The following GAREM1 variants were observed in gnomAD, a reference collection of about 807,000 sequenced individuals.
The protein encoded by GAREM1 is GRB2-associated and regulator of MAPK protein 1.
A neutral mutation model predicts 71.3 loss-of-function variants in GAREM1; 26 were observed. The ratio of observed to expected loss-of-function variants is 0.36; its 90% confidence interval spans 0.27 to 0.51. The LOEUF (loss-of-function observed/expected upper bound fraction) is 0.51, where lower values mean the gene tolerates loss of function less well. Among genes scored for constraint, GAREM1 ranks in the 20% least tolerant of loss-of-function variants. The probability of loss-of-function intolerance (pLI) is 0.95; values close to 1 mark genes in which losing one functional copy is unlikely to be tolerated. For missense variants in GAREM1, 1,026 were observed against 1,103.1 expected (o/e 0.93, Z 0.99); for synonymous variants, 440 against 433.2 (o/e 1.02, Z -0.20).
chr18:32,281,696 C>T (rs553507344), intron 4 of GAREM1, among the ~76,000 whole-genome samples: 26 of 152,224 alleles, frequency 1.7e-4, no homozygotes, highest in African/African-American at 5.3e-4. Flanking sequence ...AGATGGAGGC[C>T]GGGCACGGTG....
chr18:32,390,311 C>T (rs2048183600), intron 2 of GAREM1, among the ~76,000 whole-genome samples: 1 of 152,154 alleles, frequency 6.6e-6, no homozygotes, highest in South Asian at 2.1e-4. Context: ...AGATATGAAA[C>T]ACAAAACAAA....
In GAREM1 at chr18:32,279,974, G is replaced by A. The variant is rs1272384537; in HGVS notation, c.1566+7057C>T. Among the ~76,000 whole-genome samples the A allele has an allele frequency of 2.6e-5, 4 of 152,120 alleles. No homozygotes were observed. The East Asian group carries it at 7.7e-4, about 29-fold the overall frequency. On this transcript the variant is annotated intron_variant, in intron 4 of 5. Transcript: ENST00000269209. ...AGTCCTTATTTCAATTAACAAATGGGAACTTAGGTATGGCTTGCTTACAAA... is the reference window on the plus strand; with the variant it reads ...AGTCCTTATTTCAATTAACAAATGGAAACTTAGGTATGGCTTGCTTACAAA...
intron 2 of GAREM1, among the ~76,000 whole-genome samples, chr18:32,357,072 G>A (rs185674885): frequency 6.6e-6 from 1 of 152,196 alleles, no homozygotes; most frequent in Admixed American, 6.5e-5. Flanking sequence ...GATTCCTTTC[G>A]TACAAAGAAC....
intron 1 of GAREM1, among the ~76,000 whole-genome samples, chr18:32,442,797 T>A (rs973463293): frequency 3.9e-5 from 6 of 152,124 alleles, no homozygotes; most frequent in Admixed American, 1.3e-4. Flanking sequence ...ACAAATGTTC[T>A]CAGAAAATGA....
chr18:32,322,823 C>T (rs1159547294), intron 2 of GAREM1, among the ~76,000 whole-genome samples: 12 of 152,174 alleles, frequency 7.9e-5, no homozygotes, highest in Admixed American at 7.2e-4. Context: ...GTCTATTCAC[C>T]GATTCTCTAC....
intron 2 of GAREM1, among the ~76,000 whole-genome samples, chr18:32,320,418 T>C (rs539379205): frequency 6.6e-6 from 1 of 152,134 alleles, no homozygotes; most frequent in Non-Finnish European, 1.5e-5. Flanking sequence ...ATTCCCTACA[T>C]TACTTGAAGT....
Position 32,286,321 on chromosome 18 carries a change from AGTGTGTGTGT to A in GAREM1, c.1566+700_1566+709del, listed in dbSNP as rs140225815. Among the ~76,000 whole-genome samples, 431 of 143,226 alleles carry A rather than the reference AGTGTGTGTGT, an allele frequency of 3.0e-3. 4 individuals are homozygous for A. The highest frequency in any genetic ancestry group is 6.4e-3 in the African/African-American group (252 of 39,542). The allele number at this position is 143,226 out of a possible 152,430, so 94.0% of individuals were successfully genotyped here. On this transcript the variant is annotated intron_variant, in intron 4 of 5. Coordinates refer to ENST00000269209, the MANE Select transcript of GAREM1 (RefSeq NM_001242409.2). ...GAACTACCCTGGCACCTGGTTCTGG[AGTGTGTGTGT>A]GTGTGTGTGTGTGTGTGTGTGTGTG...
intron 1 of GAREM1, among the ~76,000 whole-genome samples, chr18:32,443,796 T>C (rs2048763183): frequency 6.6e-6 from 1 of 152,134 alleles, no homozygotes; most frequent in African/African-American, 2.4e-5. Context: ...TGAAAACAAA[T>C]GTCCGCATAG....
chr18:32,458,903 T>G (rs1012927822), intron 1 of GAREM1, among the ~76,000 whole-genome samples: 1 of 152,060 alleles, frequency 6.6e-6, no homozygotes, highest in Non-Finnish European at 1.5e-5. Flanking sequence ...AAATAACGAA[T>G]TTTGAACAAT....
intron 2 of GAREM1, among the ~76,000 whole-genome samples, chr18:32,382,573 C>T (rs889510715): frequency 1.3e-5 from 2 of 152,048 alleles, no homozygotes; most frequent in African/African-American, 4.8e-5. Context: ...AAAGGCCCAG[C>T]GTTAGACCAG....
chr18:32,422,872 C>T lies in GAREM1; in HGVS notation c.122-29837G>A, dbSNP rs547393076. Among the ~76,000 whole-genome samples, 11 of 152,254 alleles carry T rather than the reference C, an allele frequency of 7.2e-5. No homozygotes were observed. The South Asian group carries it at 8.3e-4, about 11-fold the overall frequency. ...GGAGAAACTAAAGGTCAAGTGCTTT[C>T]CTTTTATAATTGAGGAAATATGTAC... On this transcript the variant is annotated intron_variant, in intron 1 of 5. Coordinates refer to ENST00000269209, the MANE Select transcript of GAREM1 (RefSeq NM_001242409.2).
At chr18:32,297,293 G>A (rs1214679116) in intron 3 of GAREM1, among the ~76,000 whole-genome samples, 1 of 152,166 alleles carries the variant, frequency 6.6e-6, no homozygotes, top group Admixed American at 6.5e-5. Flanking sequence ...TTACAGTGTA[G>A]TGACTTCAGA....
At chr18:32,363,538 T>G (rs764321325) in intron 2 of GAREM1, among the ~76,000 whole-genome samples, 22 of 152,202 alleles carry the variant, frequency 1.4e-4, no homozygotes, top group Non-Finnish European at 2.9e-4. Context: ...GAAAAATCCT[T>G]TTTGAACCGG....
At position 32,470,541 on chromosome 18, in the gene GAREM1, G is replaced by A. The variant is rs2049044128; in HGVS notation, c.-113C>T. 15 of 762,272 alleles carry A rather than the reference G, an allele frequency of 2.0e-5. No homozygotes were observed. Among genetic ancestry groups the A allele is most frequent in the Non-Finnish European group, 2.2e-5 (14 of 628,136 alleles). The allele number at this position is 762,272 out of a possible 1,614,324, so 47.2% of individuals were successfully genotyped here. On this transcript the variant is annotated 5_prime_UTR_variant, in exon 1 of 6. Coordinates refer to ENST00000269209, the MANE Select transcript of GAREM1 (RefSeq NM_001242409.2). The surrounding 1 kb of genome is among the most constrained non-coding windows in gnomAD (Gnocchi z 4.4). Reference sequence around the variant, plus strand: ...GTCTGGGGCGCGCGGGAGGCGCCGGGCAGCTCCGGCCGCGGGCAGCCGGGG... The same window carrying A: ...GTCTGGGGCGCGCGGGAGGCGCCGGACAGCTCCGGCCGCGGGCAGCCGGGG...
chr18:32,390,567 C>T (rs2048186271), intron 2 of GAREM1, among the ~76,000 whole-genome samples: 1 of 152,124 alleles, frequency 6.6e-6, no homozygotes, highest in South Asian at 2.1e-4. Context: ...GTCTTGGCAC[C>T]TCAATTTCAT....
intron 3 of GAREM1, among the ~76,000 whole-genome samples, chr18:32,301,930 G>A (rs1237970309): frequency 6.6e-6 from 1 of 152,186 alleles, no homozygotes; most frequent in African/African-American, 2.4e-5. Flanking sequence ...CATAAAAGCT[G>A]CCAAATCCTG....
Position 32,268,073 on chromosome 18 carries a change from C to A in GAREM1, c.2429G>T (p.Gly810Val), listed in dbSNP as rs1460699193. 4.3e-6 allele frequency: 7 copies of A among 1,614,132 alleles called. No homozygotes were observed. The highest frequency in any genetic ancestry group is 5.9e-6 in the Non-Finnish European group (7 of 1,180,020). The stretch of plus-strand genomic sequence containing the variant: ...CTTGGACACTTCCTCTATAGAGAGT[C>A]CTGATAGGTCAGCAGGTGGCTGCCA... ...SPWQPPADLS[G>V]LSIEEVSKSL... Residue 810 changes from glycine (G) to valine (V), a missense_variant, in exon 6 of 6, where the codon GGA (glycine) becomes GTA (valine). Around this residue, in one of 3 missense-constraint regions of GAREM1, gnomAD observed 636 missense variants for 631.2 expected, o/e 1.01. Transcript: ENST00000269209.
chr18:32,325,457 C>T (rs1196660867), intron 2 of GAREM1, among the ~76,000 whole-genome samples: 1 of 152,052 alleles, frequency 6.6e-6, no homozygotes, highest in Non-Finnish European at 1.5e-5. Context: ...GGAGGCTCTG[C>T]GTGTGGTGGG....
chr18:32,373,512 C>A (rs1230738557), intron 2 of GAREM1, among the ~76,000 whole-genome samples: 3 of 152,142 alleles, frequency 2.0e-5, no homozygotes, highest in African/African-American at 7.2e-5. Context: ...TCTCTTCCTT[C>A]ACATTTTCCT....
Sources: gnomAD v4.1 joint callset for allele counts (sites outside exome capture counted in the v4.1 genomes callset) on GRCh38, gnomAD v4.1.1 for gene constraint, gnomAD v4.1.1 regional missense constraint, Gnocchi (gnomAD v3.1) non-coding constraint, MANE v1.5 for transcripts, NCBI Gene and HGNC (gene_info 2026-07-23, HGNC 2026-07-21) for gene names.